The following PCDH15 variants were observed in gnomAD, a reference collection of about 807,000 sequenced individuals.
PCDH15 encodes protocadherin-15.
In PCDH15, 129 loss-of-function variants were observed where a neutral mutation model predicts 178.5. The ratio of observed to expected loss-of-function variants is 0.72; its 90% CI spans 0.63 to 0.84. The LOEUF (loss-of-function observed/expected upper bound fraction) is 0.84, where lower values mean the gene tolerates loss of function less well. Among genes scored for constraint, PCDH15 ranks in the 40% least tolerant of loss-of-function variants. The probability of loss-of-function intolerance (pLI) is 0.00; values close to 1 mark genes in which losing one functional copy is unlikely to be tolerated. For synonymous variants in PCDH15, 800 were observed against 732.0 expected, an observed-to-expected ratio of 1.09 and a Z score of -1.50; for missense variants, 2,230 against 2,099.9, an observed-to-expected ratio of 1.06 and a Z score of -1.21.
At chr10:55,496,650 AT>A (rs1346638045) in intron 2 of PCDH15, among the ~76,000 whole-genome samples, 1 of 151,812 alleles carries the variant, frequency 6.6e-6, no homozygotes, top group African/African-American at 2.4e-5. Context: ...ATTCATTTTA[AT>A]TTTAGCATAT....
At chr10:53,933,354 G>A (rs2085261738) in intron 25 of PCDH15, among the ~76,000 whole-genome samples, 2 of 149,790 alleles carry the variant, frequency 1.3e-5, no homozygotes, top group African/African-American at 4.9e-5. Context: ...TCCCCCGTGT[G>A]TGATGTTCCC....
At chr10:55,492,090 G>T (rs1204983357) in intron 2 of PCDH15, among the ~76,000 whole-genome samples, 3 of 151,602 alleles carry the variant, frequency 2.0e-5, no homozygotes, top group Admixed American at 6.6e-5. Flanking sequence ...AGGAATATAG[G>T]CTTAAAAATA....
chr10:54,931,098 C>G (rs1444672043), intron 2 of PCDH15, among the ~76,000 whole-genome samples: 3 of 152,122 alleles, frequency 2.0e-5, no homozygotes, highest in Admixed American at 2.0e-4. Context: ...ATAACAACTT[C>G]ATGTTTATTT....
intron 8 of PCDH15, among the ~76,000 whole-genome samples, chr10:54,249,517 A>G (rs1315793842): frequency 6.6e-6 from 1 of 152,084 alleles, no homozygotes; most frequent in African/African-American, 2.4e-5. Flanking sequence ...CTTTGTTTTA[A>G]TTTGGGCATT....
intron 21 of PCDH15, among the ~76,000 whole-genome samples, chr10:53,991,649 A>G (rs2091491797): frequency 6.6e-6 from 1 of 152,002 alleles, no homozygotes; most frequent in African/African-American, 2.4e-5. Flanking sequence ...TTGCAAACAC[A>G]CCAGTCGGCA....
chr10:54,827,301 G>C (rs1281740459), intron 3 of PCDH15, among the ~76,000 whole-genome samples: 1 of 152,062 alleles, frequency 6.6e-6, no homozygotes, highest in African/African-American at 2.4e-5. Flanking sequence ...TCAAATGCTT[G>C]CTCAAGTAAT....
chr10:54,386,540 A>G (rs991809389), intron 3 of PCDH15, among the ~76,000 whole-genome samples: 1 of 152,158 alleles, frequency 6.6e-6, no homozygotes, highest in African/African-American at 2.4e-5. Flanking sequence ...GTGATTATCT[A>G]CTTTCTCAAC....
intron 1 of PCDH15, among the ~76,000 whole-genome samples, chr10:55,201,236 A>G (rs1418323018): frequency 1.3e-5 from 2 of 152,110 alleles, no homozygotes; most frequent in Non-Finnish European, 1.5e-5. Context: ...GAAGACCTCC[A>G]TACTCCCTAA....
chr10:55,037,465 C>T (rs1033553038), intron 2 of PCDH15, among the ~76,000 whole-genome samples: 1 of 152,152 alleles, frequency 6.6e-6, no homozygotes, highest in African/African-American at 2.4e-5. Flanking sequence ...AACTGCTGAC[C>T]TCGTGATGCG....
chr10:55,472,456 T>C (rs1368526812), intron 2 of PCDH15, among the ~76,000 whole-genome samples: 3 of 142,478 alleles, frequency 2.1e-5, no homozygotes, highest in Admixed American at 7.7e-5. Context: ...AATCATAGTT[T>C]TGAATTAGCT....
chr10:54,689,428 G>A (rs992710455), intron 1 of PCDH15, among the ~76,000 whole-genome samples: 1 of 151,898 alleles, frequency 6.6e-6, no homozygotes, highest in Non-Finnish European at 1.5e-5. Context: ...TTATTATCAC[G>A]GCTTGAATGT....
At chr10:54,971,407 A>T (rs981853330) in intron 2 of PCDH15, among the ~76,000 whole-genome samples, 1 of 152,128 alleles carries the variant, frequency 6.6e-6, no homozygotes, top group African/African-American at 2.4e-5. Context: ...CCATCTTGAA[A>T]GTACAGCCTG....
At chr10:54,052,506 A>G (rs2093798883) in intron 18 of PCDH15, among the ~76,000 whole-genome samples, 1 of 152,148 alleles carries the variant, frequency 6.6e-6, no homozygotes, top group African/African-American at 2.4e-5. Context: ...GTCTTGGCCA[A>G]TTTCTCTCAT....
intron 2 of PCDH15, among the ~76,000 whole-genome samples, chr10:54,900,732 T>C (rs544434922): frequency 5.3e-5 from 8 of 152,192 alleles, no homozygotes; most frequent in Non-Finnish European, 8.8e-5. Flanking sequence ...ATTTCACTAC[T>C]GAATAGGAGC....
chr10:55,070,852 A>C (rs1436881486), intron 2 of PCDH15, among the ~76,000 whole-genome samples: 1 of 152,066 alleles, frequency 6.6e-6, no homozygotes, highest in African/African-American at 2.4e-5. Context: ...CATTGAATCT[A>C]TAAATTACCT....
chr10:54,815,145 T>G (rs1334096328), intron 3 of PCDH15, among the ~76,000 whole-genome samples: 14 of 85,294 alleles, frequency 1.6e-4, no homozygotes, highest in Admixed American at 9.0e-4. Flanking sequence ...AATATGTTGG[T>G]TTTTTTTTTT....
chr10:54,289,370 A>G (rs2059246948), intron 8 of PCDH15, among the ~76,000 whole-genome samples: 1 of 152,240 alleles, frequency 6.6e-6, no homozygotes, highest in Admixed American at 6.5e-5. Flanking sequence ...AAGGACATTT[A>G]TACCAAAACC....
intron 2 of PCDH15, among the ~76,000 whole-genome samples, chr10:54,612,159 A>G (rs2092983451): frequency 6.6e-6 from 1 of 151,850 alleles, no homozygotes; most frequent in African/African-American, 2.4e-5. Context: ...CCCTAAAAGT[A>G]AAAGAGGCAA....
chr10:55,180,121 C>CA (rs1396816550), intron 1 of PCDH15, among the ~76,000 whole-genome samples: 6 of 151,996 alleles, frequency 3.9e-5, no homozygotes, highest in Non-Finnish European at 8.8e-5. Context: ...GAAGAAGTCA[C>CA]AAAATGGCTT....
Sources: allele counts gnomAD v4.1 joint callset (sites outside exome capture counted in the v4.1 genomes callset), GRCh38; gene constraint gnomAD v4.1.1; transcripts MANE v1.5; gene names NCBI Gene and HGNC (gene_info 2026-07-23, HGNC 2026-07-21).